HSH2D: variants seen among roughly 807,000 people sequenced by gnomAD.
HSH2D encodes hematopoietic SH2 domain containing.
HSH2D carries 16 observed loss-of-function variants against 21.5 expected under a neutral mutation model. The ratio of observed to expected loss-of-function variants is 0.74; its 90% CI spans 0.50 to 1.13. The LOEUF (loss-of-function observed/expected upper bound fraction) is 1.13. Ranked by LOEUF, HSH2D falls within the 50% of genes most tolerant of loss-of-function variation. HSH2D has a pLI of 0.00. For missense variants in HSH2D, 418 were observed against 441.4 expected (o/e 0.95, Z 0.47); for synonymous variants, 172 against 184.7 (o/e 0.93, Z 0.56).
At chr19:16,137,079 A>G (rs2090968949) in intron 1 of HSH2D, among the ~76,000 whole-genome samples, 1 of 152,162 alleles carries the variant, frequency 6.6e-6, no homozygotes, top group African/African-American at 2.4e-5. Context: ...AATCTCGGGT[A>G]TCTACCCCAG....
intron 2 of HSH2D, 133 bp from the exon 3 acceptor site, chr19:16,152,417 CAA>C (rs377547783): frequency 0.017 from 6,188 of 354,158 alleles, no homozygotes; most frequent in South Asian, 0.029. Context: ...GACTCTGTCT[CAA>C]AAAAAAAAAA....
Position 16,157,997 on chromosome 19 carries a change from C to T in HSH2D, c.*203C>T. ...ATTTTAGCAACAATCATCAGAGTGACGCTGATGGTTTGGGGCACCAGCTAT... is the reference window on the plus strand; with the variant it reads ...ATTTTAGCAACAATCATCAGAGTGATGCTGATGGTTTGGGGCACCAGCTAT... On this transcript the variant is annotated 3_prime_UTR_variant, in exon 6 of 6. Coordinates refer to ENST00000613986, the MANE Select transcript of HSH2D (RefSeq NM_001382417.1). This position sits in a 1 kb window ranked among gnomAD's most constrained non-coding sequence, Gnocchi z 4.4. 1 of 535,018 alleles carries T rather than the reference C, an allele frequency of 1.9e-6. No homozygotes were observed. Among genetic ancestry groups the T allele is most frequent in the Non-Finnish European group, 3.3e-6 (1 of 303,500 alleles). 33.1% of individuals were successfully genotyped at this position (535,018 alleles called of 1,614,324 possible).
chr19:16,142,523 G>C (rs935741434), upstream of HSH2D, among the ~76,000 whole-genome samples: 1 of 152,184 alleles, frequency 6.6e-6, no homozygotes, highest in African/African-American at 2.4e-5. Flanking sequence ...GAGTGCAGTG[G>C]TGAGATCTCA....
chr19:16,148,500 G>T (rs2091102574), intron 1 of HSH2D, among the ~76,000 whole-genome samples: 1 of 151,952 alleles, frequency 6.6e-6, no homozygotes, highest in African/African-American at 2.4e-5. Flanking sequence ...TGCCCAGGCT[G>T]GTCTGGAACT....
At chr19:16,143,521 T>A, upstream of HSH2D, 1 of 276,726 alleles carries the variant, frequency 3.6e-6, no homozygotes, top group Non-Finnish European at 7.5e-6. Flanking sequence ...AGGTGCTCAA[T>A]AACAACTTGC....
chr19:16,157,308 C>G lies in HSH2D; in HGVS notation c.573C>G (p.Pro191=). 2.5e-6 allele frequency: 4 copies of G among 1,612,990 alleles called. No homozygotes were observed. In the South Asian group the frequency reaches 4.4e-5, roughly 18 times the overall value. ...ITTKEATSSC[P]PKSPLGETRQ... ...CCAAGGAAGCCACTTCCTCCTGCCC[C>G]CCAAAATCCCCTCTTGGAGAGACCC... The change falls in exon 6 of 6, where the codon CCC becomes CCG. Residue 191 remains proline, a synonymous_variant. Coordinates refer to ENST00000613986, the MANE Select transcript of HSH2D (RefSeq NM_001382417.1). The surrounding 1 kb of genome is among the most constrained non-coding windows in gnomAD (Gnocchi z 4.4).
chr19:16,148,214 T>C (rs1448447239), intron 1 of HSH2D, among the ~76,000 whole-genome samples: 1 of 152,006 alleles, frequency 6.6e-6, no homozygotes, highest in African/African-American at 2.4e-5. Flanking sequence ...AGTGGCATGA[T>C]CTTGGCTCAC....
In HSH2D at chr19:16,157,082, T is replaced by G. The variant is rs1050828442; in HGVS notation, c.475-128T>G. 4 of 680,744 alleles carry G rather than the reference T, an allele frequency of 5.9e-6. No individual in the cohort carries two copies. The allele number at this position is 680,744 out of a possible 1,614,324, so 42.2% of individuals were successfully genotyped here. On this transcript the variant is annotated intron_variant, in intron 5 of 5. Transcript: ENST00000613986. The surrounding 1 kb of genome is among the most constrained non-coding windows in gnomAD (Gnocchi z 4.4). ...AGAAAGATGGGGCATGGGATCAGGT[T>G]TGGGGGTTCACACGGGGACGTTTCT...
intron 2 of HSH2D, chr19:16,151,719 G>C (rs976142541): frequency 2.3e-5 from 8 of 354,650 alleles, no homozygotes; most frequent in Admixed American, 1.3e-4. Context: ...TAGCTCCTCG[G>C]GGGGAACATC....
intron 2 of HSH2D, chr19:16,151,325 CAAA>C (rs781392050): frequency 0.019 from 1,994 of 107,532 alleles, no homozygotes; most frequent in South Asian, 0.026. Flanking sequence ...AACTCCAACT[CAAA>C]AAAAAAAAAA....
chr19:16,152,243 C>T (rs1369713118), intron 2 of HSH2D, among the ~76,000 whole-genome samples: 1 of 151,730 alleles, frequency 6.6e-6, no homozygotes, highest in Admixed American at 6.6e-5. Context: ...CAGTGAAACC[C>T]CATCTCTACT....
At chr19:16,154,965 G>A (rs2091219031) in intron 5 of HSH2D, 1 of 154,298 alleles carries the variant, frequency 6.5e-6, no homozygotes, top group South Asian at 1.9e-4. Context: ...ATTTACTTAT[G>A]GGTTTACATG....
At chr19:16,154,113 C>T (rs1262556860) in intron 4 of HSH2D, among the ~76,000 whole-genome samples, 2 of 128,686 alleles carry the variant, frequency 1.6e-5, no homozygotes, top group African/African-American at 5.2e-5. Context: ...GCCCAAGAAA[C>T]TGTTGTGGGC....
chr19:16,136,054 A>G (rs1417612777), intron 1 of HSH2D, among the ~76,000 whole-genome samples: 1 of 152,120 alleles, frequency 6.6e-6, no homozygotes, highest in East Asian at 1.9e-4. Flanking sequence ...ACCCCCAGCC[A>G]CAAACTCCCT....
At chr19:16,136,890 C>G (rs2090967676) in intron 1 of HSH2D, among the ~76,000 whole-genome samples, 1 of 152,230 alleles carries the variant, frequency 6.6e-6, no homozygotes, top group Admixed American at 6.5e-5. Context: ...GTAAATCAAA[C>G]ACTGCCTCCT....
intron 5 of HSH2D, among the ~76,000 whole-genome samples, chr19:16,156,232 G>T (rs1179121609): frequency 6.6e-6 from 1 of 151,962 alleles, no homozygotes; most frequent in African/African-American, 2.4e-5. Flanking sequence ...CACGCCTGTA[G>T]TCAGCTACTC....
chr19:16,143,615 C>A, upstream of HSH2D: 1 of 348,860 alleles, frequency 2.9e-6, no homozygotes, highest in Non-Finnish European at 5.9e-6. Flanking sequence ...CTTGAGCTGT[C>A]CTTGTTCCGC....
At chr19:16,134,188 G>T (rs1198120063) in exon 1 of HSH2D, 1 of 152,276 alleles carries the variant, frequency 6.6e-6, no homozygotes, top group Non-Finnish European at 1.5e-5. Context: ...TCACAGTGGG[G>T]TCACACACCC....
At chr19:16,155,950 A>G (rs1221588050) in intron 5 of HSH2D, among the ~76,000 whole-genome samples, 1 of 151,952 alleles carries the variant, frequency 6.6e-6, no homozygotes, top group Non-Finnish European at 1.5e-5. Flanking sequence ...TGGCTGCAGA[A>G]GGGGCTTTCC....
Sources: allele counts gnomAD v4.1 joint callset (sites outside exome capture counted in the v4.1 genomes callset), GRCh38; gene constraint gnomAD v4.1.1; non-coding constraint Gnocchi (gnomAD v3.1); transcripts MANE v1.5; gene names NCBI Gene and HGNC (gene_info 2026-07-23, HGNC 2026-07-21).